EXD3: variants seen among roughly 807,000 people sequenced by gnomAD.
The protein encoded by EXD3 is exonuclease 3'-5' domain containing 3.
EXD3 carries 92 observed loss-of-function variants against 98.0 expected under a neutral mutation model. The observed-to-expected ratio is 0.94, with a 90% CI of 0.79 to 1.12. EXD3 has a LOEUF of 1.12. Among genes scored for constraint, EXD3 ranks in the 50% most tolerant of loss-of-function variants. EXD3 has a pLI of 0.00. For synonymous variants in EXD3, 569 were observed against 526.0 expected, an observed-to-expected ratio of 1.08 and a Z score of -1.12; for missense variants, 1,222 against 1,191.6, an observed-to-expected ratio of 1.03 and a Z score of -0.38.
At chr9:137,323,682 A>G (rs1345870038) in intron 19 of EXD3, 43 bp downstream of exon 19, 1 of 1,601,538 alleles carries the variant, frequency 6.2e-7, no homozygotes, top group Non-Finnish European at 8.5e-7. Context: ...GTAGCTCCAG[A>G]TCTTGTGCCA....
At position 137,372,934 on chromosome 9, in the gene EXD3, G is replaced by C; in HGVS notation, c.433C>G (p.Arg145Gly). The change falls in exon 5 of 22, where the codon CGC becomes GGC. Residue 145 changes from arginine to glycine, a missense_variant. Arg to Gly is a moderately radical substitution (Grantham distance 125, BLOSUM62 -2). Coordinates refer to ENST00000340951, the MANE Select transcript of EXD3 (RefSeq NM_017820.5). Reference sequence around the variant, plus strand: ...CTGAACCTGCCCTCGTGGTGGAGGCGGTGGACGTGTGCCAGCAGGCAGCTC... The same window carrying C: ...CTGAACCTGCCCTCGTGGTGGAGGCCGTGGACGTGTGCCAGCAGGCAGCTC... ...DRSCLLAHVH[R>G]LHHEGRFREA... The C allele has an allele frequency of 6.2e-7, 1 of 1,600,666 alleles. No individual in the cohort carries two copies. The highest frequency in any genetic ancestry group is 1.1e-5 in the South Asian group (1 of 91,044).
Position 137,341,082 on chromosome 9 carries a change from G to A in EXD3, c.1998+6989C>T, listed in dbSNP as rs532058470. On this transcript the variant is annotated intron_variant, in intron 17 of 21. Coordinates refer to ENST00000340951, the MANE Select transcript of EXD3 (RefSeq NM_017820.5). Reference sequence around the variant, plus strand: ...TGTAATCCCAGCACTTTGGGAGGCTGAAGCAGGAGGGTCGCTCGAGGCCAG... The same window carrying A: ...TGTAATCCCAGCACTTTGGGAGGCTAAAGCAGGAGGGTCGCTCGAGGCCAG... 1.4e-3 allele frequency among the ~76,000 whole-genome samples: 212 copies of A among 152,334 alleles called. 2 individuals are homozygous for A. Among genetic ancestry groups the A allele is most frequent in the African/African-American group, 4.9e-3 (203 of 41,574 alleles).
chr9:137,335,500 G>A, intron 17 of EXD3, among the ~76,000 whole-genome samples: 1 of 152,116 alleles, frequency 6.6e-6, no homozygotes, highest in East Asian at 1.9e-4. Flanking sequence ...CCAACAAGGT[G>A]AAACCCGGTC....
intron 12 of EXD3, 108 bp from the exon 13 acceptor site, chr9:137,351,636 C>T (rs1192306765): frequency 9.4e-6 from 9 of 953,418 alleles, no homozygotes; most frequent in African/African-American, 1.6e-5. Context: ...CGGGGAGACG[C>T]CCCTGCACCC....
chr9:137,328,149 CATG>C (rs1832583190), intron 17 of EXD3, among the ~76,000 whole-genome samples: 1 of 38,590 alleles, frequency 2.6e-5, no homozygotes, highest in Non-Finnish European at 5.7e-5. Flanking sequence ...TAAACACCGA[CATG>C]ATGAGTAAAA....
intron 7 of EXD3, among the ~76,000 whole-genome samples, chr9:137,361,480 G>A (rs1834991581): frequency 1.2e-5 from 1 of 83,426 alleles, no homozygotes; most frequent in Non-Finnish European, 2.9e-5. Context: ...GGGCACTGTG[G>A]CTCATGCCTG....
At chr9:137,355,478 A>AGGAGGAAGGAGAAAGGAGGAAGGAGGAC (rs1564508165) in intron 8 of EXD3, among the ~76,000 whole-genome samples, 2 of 6,106 alleles carry the variant, frequency 3.3e-4, no homozygotes, top group African/African-American at 9.5e-4. Flanking sequence ...GGAAGGAGGA[A>AGGAGGAAGGAGAAAGGAGGAAGGAGGAC]GGAGGAAGGA....
At chr9:137,388,085 A>G (rs1815780869) in intron 2 of EXD3, among the ~76,000 whole-genome samples, 1 of 152,170 alleles carries the variant, frequency 6.6e-6, no homozygotes, top group Non-Finnish European at 1.5e-5. Context: ...CTCAAGCTCA[A>G]GAATAAAAGT....
intron 17 of EXD3, among the ~76,000 whole-genome samples, chr9:137,339,030 A>G (rs1588293430): frequency 6.6e-6 from 1 of 152,186 alleles, no homozygotes; most frequent in South Asian, 2.1e-4. Context: ...GACACCGACA[A>G]TCTATAACAA....
intron 7 of EXD3, among the ~76,000 whole-genome samples, chr9:137,357,715 T>C (rs1834864687): frequency 7.1e-6 from 1 of 140,266 alleles, no homozygotes; most frequent in Non-Finnish European, 1.5e-5. Context: ...TATACATATA[T>C]ATATTATATA....
chr9:137,416,816 G>T (rs1012571377), intron 1 of EXD3, among the ~76,000 whole-genome samples: 1 of 152,018 alleles, frequency 6.6e-6, no homozygotes, highest in Non-Finnish European at 1.5e-5. Context: ...AGCTCGCAGG[G>T]GTGCTCTTGG....
chr9:137,399,007 C>T (rs1837360139), intron 1 of EXD3, among the ~76,000 whole-genome samples: 10 of 152,180 alleles, frequency 6.6e-5, no homozygotes, highest in Admixed American at 6.5e-4. Context: ...GTCCAACATC[C>T]TCGTAACACG....
Position 137,347,985 on chromosome 9 carries a change from G to A in EXD3, c.1998+86C>T. The A allele has an allele frequency of 4.2e-6, 6 of 1,419,484 alleles. No individual in the cohort carries two copies. Among genetic ancestry groups the A allele is most frequent in the Non-Finnish European group, 5.7e-6 (6 of 1,054,404 alleles). 87.9% of individuals were successfully genotyped at this position (1,419,484 alleles called of 1,614,324 possible). A position where few individuals can be genotyped will look rare whatever the true frequency, so the allele number is the denominator to read the frequency against. On this transcript the variant is annotated intron_variant, in intron 17 of 21. Coordinates refer to ENST00000340951, the MANE Select transcript of EXD3 (RefSeq NM_017820.5). The surrounding 1 kb of genome is among the most constrained non-coding windows in gnomAD (Gnocchi z 4.2). ...CTGGCAGCCATGGATGAGCTGGAGGGAGGAGTTTGATGCTAGGGGTGGGCA... is the reference window on the plus strand; with the variant it reads ...CTGGCAGCCATGGATGAGCTGGAGGAAGGAGTTTGATGCTAGGGGTGGGCA...
At chr9:137,411,990 G>A (rs1838025291) in intron 1 of EXD3, among the ~76,000 whole-genome samples, 1 of 152,160 alleles carries the variant, frequency 6.6e-6, no homozygotes, top group African/African-American at 2.4e-5. Context: ...GGCGGCAAGA[G>A]AGTGGGCTGT....
At chr9:137,353,601 C>T in intron 10 of EXD3, 2 of 986,010 alleles carry the variant, frequency 2.0e-6, no homozygotes, top group Non-Finnish European at 2.4e-6. Context: ...TCCCACCCCG[C>T]AGCCACCGTG....
intron 19 of EXD3, among the ~76,000 whole-genome samples, chr9:137,315,578 C>A (rs752456313): frequency 6.6e-6 from 1 of 152,030 alleles, no homozygotes; most frequent in Non-Finnish European, 1.5e-5. Context: ...GCCCCGGCAC[C>A]GGGTCTCCCA....
chr9:137,322,398 A>T (rs1461717307), intron 19 of EXD3, among the ~76,000 whole-genome samples: 1 of 143,012 alleles, frequency 7.0e-6, no homozygotes. Context: ...CTCTGCCAAC[A>T]TCTCACCCCA....
At chr9:137,373,098 C>T (rs1232273293) in intron 4 of EXD3, 26 bp from the exon 5 acceptor site, 27 of 1,534,926 alleles carry the variant, frequency 1.8e-5, no homozygotes, top group Non-Finnish European at 2.3e-5. Context: ...CCCAGACTTA[C>T]TGGACGCAGC....
At chr9:137,379,712 G>A (rs28735138) in intron 3 of EXD3, among the ~76,000 whole-genome samples, 9,662 of 152,044 alleles carry the variant, frequency 0.064, 980 homozygotes, top group African/African-American at 0.22. Flanking sequence ...TAAAGCATTC[G>A]ATGAAGCCGA....
Sources: allele counts gnomAD v4.1 joint callset (sites outside exome capture counted in the v4.1 genomes callset), GRCh38; gene constraint gnomAD v4.1.1; non-coding constraint Gnocchi (gnomAD v3.1); transcripts MANE v1.5; gene names NCBI Gene and HGNC (gene_info 2026-07-23, HGNC 2026-07-21).